The following ELP5 variants were observed in gnomAD, a reference collection of about 807,000 sequenced individuals.
ELP5 encodes elongator complex protein 5.
In ELP5, 34 loss-of-function variants were observed where a neutral mutation model predicts 33.4. The ratio of observed to expected loss-of-function variants is 1.02; its 90% CI spans 0.78 to 1.36. The LOEUF (loss-of-function observed/expected upper bound fraction) is 1.36, where lower values mean the gene tolerates loss of function less well. Ranked by LOEUF, ELP5 falls within the 40% of genes most tolerant of loss-of-function variation. The probability of loss-of-function intolerance (pLI) is 0.00; values close to 1 mark genes in which losing one functional copy is unlikely to be tolerated. For synonymous variants in ELP5, 161 were observed against 146.4 expected (o/e 1.10, Z -0.72); for missense variants, 373 against 371.7 (o/e 1.00, Z -0.03).
intron 3 of ELP5, 100 bp from the exon 4 acceptor site, chr17:7,254,483 A>G (rs1372243995): frequency 8.6e-6 from 7 of 818,468 alleles, no homozygotes; most frequent in Non-Finnish European, 1.3e-5. Context: ...TAGGATATTC[A>G]TAAAAATTGA....
intron 4 of ELP5, 125 bp downstream of exon 4, chr17:7,254,928 C>A: frequency 4.2e-5 from 29 of 687,372 alleles, no homozygotes; most frequent in Non-Finnish European, 6.1e-5. Flanking sequence ...ATTTTTTTGA[C>A]TTTTTTGTCT....
rs1337553252 is a variant in ELP5, at chr17:7,257,058, A to G, written c.591+20A>G. The G allele has an allele frequency of 2.0e-6, 3 of 1,530,720 alleles. No individual in the cohort carries two copies. The allele number at this position is 1,530,720 out of a possible 1,614,324, so 94.8% of individuals were successfully genotyped here. A position where few individuals can be genotyped will look rare whatever the true frequency, so the allele number is the denominator to read the frequency against. ...GACCAGGTCAGAAGAACCAACAGAG[A>G]AGGACTGGAAACGGGGGACAGAGAA... On this transcript the variant is annotated intron_variant, in intron 5 of 7. Transcript: ENST00000396628.
At position 7,259,799 on chromosome 17, in the gene ELP5, C is replaced by G; in HGVS notation, c.*114C>G. On this transcript the variant is annotated 3_prime_UTR_variant, in exon 8 of 8. Transcript: ENST00000396628. ...CCCTGTCCCTGCCCCACCTTGGTTC[C>G]CCTTGTCTATGGAGCCCCGCCTTGT... 1 of 1,497,580 alleles carries G rather than the reference C, an allele frequency of 6.7e-7. No homozygotes were observed. 92.8% of individuals were successfully genotyped at this position (1,497,580 alleles called of 1,614,324 possible). A position where few individuals can be genotyped will look rare whatever the true frequency, so the allele number is the denominator to read the frequency against.
chr17:7,259,860 A>G lies in ELP5; in HGVS notation c.*175A>G. The G allele has an allele frequency of 8.8e-7, 1 of 1,141,044 alleles. No individual in the cohort carries two copies. Among genetic ancestry groups the G allele is most frequent in the Non-Finnish European group, 1.2e-6 (1 of 827,542 alleles). The allele number at this position is 1,141,044 out of a possible 1,614,324, so 70.7% of individuals were successfully genotyped here. A position where few individuals can be genotyped will look rare whatever the true frequency, so the allele number is the denominator to read the frequency against. On this transcript the variant is annotated 3_prime_UTR_variant, in exon 8 of 8. Coordinates refer to ENST00000396628, the MANE Select transcript of ELP5 (RefSeq NM_203414.3). Reference sequence around the variant, plus strand: ...GCAGCGTCTCATCAGGACAGAAGGTAGGATGAAGACATGGGGTAATGTGAG... The same window carrying G: ...GCAGCGTCTCATCAGGACAGAAGGTGGGATGAAGACATGGGGTAATGTGAG...
chr17:7,259,492 G>C, intron 7 of ELP5, 79 bp from the exon 8 acceptor site: 1 of 1,590,038 alleles, frequency 6.3e-7, no homozygotes, highest in Non-Finnish European at 8.6e-7. Context: ...GCCTGAATGA[G>C]AGTCACAGTC....
intron 7 of ELP5, 163 bp downstream of exon 7, chr17:7,259,089 G>A: frequency 6.9e-7 from 1 of 1,456,808 alleles, no homozygotes; most frequent in Admixed American, 2.7e-5. Flanking sequence ...CCCTATAATG[G>A]CAGAGGACCT....
At position 7,255,955 on chromosome 17, in the gene ELP5, C is replaced by T. The variant is rs577366886; in HGVS notation, c.410-902C>T. Among the ~76,000 whole-genome samples the T allele has an allele frequency of 5.9e-5, 9 of 152,234 alleles. No homozygotes were observed. In the South Asian group the frequency reaches 8.3e-4, roughly 14 times the overall value. ...CCTGTAATCCCAGCTACTCGGGAGG[C>T]TGAGGCAGGAGAATCACTTGAACCC... On this transcript the variant is annotated intron_variant, in intron 4 of 7. Transcript: ENST00000396628.
At position 7,258,634 on chromosome 17, in the gene ELP5, A is replaced by G; in HGVS notation, c.638A>G (p.Glu213Gly). 1 of 1,614,134 alleles carries G rather than the reference A, an allele frequency of 6.2e-7. No homozygotes were observed. The change falls in exon 6 of 8, where the codon GAG becomes GGG. Residue 213 changes from glutamate (E) to glycine (G), a missense_variant. Physicochemically the swap from Glu to Gly is moderately conservative, Grantham distance 98. Coordinates refer to ENST00000396628, the MANE Select transcript of ELP5 (RefSeq NM_203414.3). The stretch of plus-strand genomic sequence containing the variant: ...CCGGACTTCAGCCTGGATCTCCAAG[A>G]GGGGCCCTCTGTAGAGTCCCAGCCC... ...ILPDFSLDLQ[E>G]GPSVESQPYS...
chr17:7,256,863 GCTC>G lies in ELP5; in HGVS notation c.420_422del (p.Ser141del). 3 of 1,614,218 alleles carry G rather than the reference GCTC, an allele frequency of 1.9e-6. No homozygotes were observed. The highest frequency in any genetic ancestry group is 2.5e-6 in the Non-Finnish European group (3 of 1,180,036). ...ATTTCTTGTCCTCCTCTAGGTGACAGCTCCTCAGTGGGGAAAGTGAGTGTGCTG... is the reference window on the plus strand; with the variant it reads ...ATTTCTTGTCCTCCTCTAGGTGACAGCTCAGTGGGGAAAGTGAGTGTGCTG... On this transcript the variant is annotated inframe_deletion, in exon 5 of 8. Transcript: ENST00000396628.
intron 3 of ELP5, 141 bp downstream of exon 3, chr17:7,253,139 G>T: frequency 1.3e-6 from 1 of 784,488 alleles, no homozygotes. Flanking sequence ...TCTTTCAGGA[G>T]GCAAGAATTA....
Position 7,252,833 on chromosome 17 carries a change from G to A in ELP5, c.107+3G>A, listed in dbSNP as rs781753642. On this transcript the variant is annotated splice_donor_region_variant and intron_variant, in intron 2 of 7. Coordinates refer to ENST00000396628, the MANE Select transcript of ELP5 (RefSeq NM_203414.3). ...CTTGTCAAGAAATCTGCACTGTGGT[G>A]AGTATCCCACAGTGTCTCCCCGGCC... 2 of 1,614,174 alleles carry A rather than the reference G, an allele frequency of 1.2e-6. No homozygotes were observed. The highest frequency in any genetic ancestry group is 1.7e-6 in the Non-Finnish European group (2 of 1,179,996).
At position 7,253,017 on chromosome 17, in the gene ELP5, A is replaced by T. The variant is rs749336563; in HGVS notation, c.188+19A>T. The T allele has an allele frequency of 6.2e-7, 1 of 1,612,970 alleles. No homozygotes were observed. The highest frequency in any genetic ancestry group is 8.5e-7 in the Non-Finnish European group (1 of 1,178,936). ...ACAATCGGTAAGTACCAGTTGGAAG[A>T]GATTTGATTAAATTTGAGACCTATA... On this transcript the variant is annotated intron_variant, in intron 3 of 7. Transcript: ENST00000396628.
rs2071954587 is a variant in ELP5 at position 7,252,387 on chromosome 17, C to A, written c.-164C>A. The A allele has an allele frequency of 1.8e-6, 2 of 1,102,472 alleles. No homozygotes were observed. Among genetic ancestry groups the A allele is most frequent in the East Asian group, 2.6e-5 (1 of 39,194 alleles). The allele number at this position is 1,102,472 out of a possible 1,614,324, so 68.3% of individuals were successfully genotyped here. A position where few individuals can be genotyped will look rare whatever the true frequency, so the allele number is the denominator to read the frequency against. On this transcript the variant is annotated 5_prime_UTR_variant, in exon 1 of 8. Transcript: ENST00000396628. ...GGAGGGGCGCCCTCCGCGTGAGCGC[C>A]CCCCTGGGAATATTGAACATAATCA...
At chr17:7,257,060 G>T (rs1241186768) in intron 5 of ELP5, 22 bp downstream of exon 5, 1 of 1,529,364 alleles carries the variant, frequency 6.5e-7, no homozygotes, top group Admixed American at 2.1e-5. Flanking sequence ...CAACAGAGAA[G>T]GACTGGAAAC....
chr17:7,252,203 G>C, upstream of ELP5: 1 of 408,324 alleles, frequency 2.4e-6, no homozygotes, highest in Non-Finnish European at 4.6e-6. Context: ...CGTGGGCGGG[G>C]AGAGTGACGT....
intron 4 of ELP5, 83 bp from the exon 5 acceptor site, chr17:7,256,774 G>A (rs1054085985): frequency 7.0e-7 from 1 of 1,419,706 alleles, no homozygotes; most frequent in African/African-American, 1.4e-5. Flanking sequence ...ATGGAATTGT[G>A]AGGCTCTCTC....
chr17:7,254,695 G>A lies in ELP5; in HGVS notation c.301G>A (p.Val101Ile). Residue 101 changes from valine to isoleucine, a missense_variant, in exon 4 of 8, where the codon GTT becomes ATT. By Grantham distance (29) the Val-to-Ile change is conservative. Transcript: ENST00000396628. ...LRAMCKRTDP[V>I]PVTIALDSLS... ...AGCCATGTGCAAGAGGACAGATCCT[G>A]TTCCTGTCACCATTGCTCTCGATTC... is the stretch of plus-strand genomic sequence containing the variant. 1 of 1,614,122 alleles carries A rather than the reference G, an allele frequency of 6.2e-7. No individual in the cohort carries two copies. The highest frequency in any genetic ancestry group is 2.2e-5 in the East Asian group (1 of 44,882).
At chr17:7,258,347 G>T (rs956078961) in intron 5 of ELP5, among the ~76,000 whole-genome samples, 1 of 151,370 alleles carries the variant, frequency 6.6e-6, no homozygotes, top group Non-Finnish European at 1.5e-5. Context: ...TACTCGGGAG[G>T]CTGAGGCAGG....
rs766586852 is a variant in ELP5, at chr17:7,252,983, C to T, written c.173C>T (p.Ser58Phe). 18 of 1,614,010 alleles carry T rather than the reference C, an allele frequency of 1.1e-5. No homozygotes were observed. The highest frequency in any genetic ancestry group is 1.5e-5 in the Non-Finnish European group (18 of 1,180,006). The change falls in exon 3 of 8, where the codon TCT becomes TTT. Residue 58 changes from serine (S) to phenylalanine (F), a missense_variant. Ser to Phe is a radical substitution (Grantham distance 155). Coordinates refer to ENST00000396628, the MANE Select transcript of ELP5 (RefSeq NM_203414.3). The stretch of plus-strand genomic sequence containing the variant: ...GAAGAGTTTCGTGAAGGTTTTGACT[C>T]TGATATCAACAATCGGTAAGTACCA... ...SEEEFREGFD[S>F]DINNRLVYHD...
Sources: gnomAD v4.1 joint callset for allele counts (sites outside exome capture counted in the v4.1 genomes callset) on GRCh38, gnomAD v4.1.1 for gene constraint, MANE v1.5 for transcripts, NCBI Gene and HGNC (gene_info 2026-07-23, HGNC 2026-07-21) for gene names.